AP2B1: variants seen among roughly 807,000 people sequenced by gnomAD.
AP2B1 encodes the protein AP-2 complex subunit beta.
AP2B1 carries 23 observed loss-of-function variants against 102.0 expected under a neutral mutation model. That is an observed-to-expected ratio of 0.23 (90% CI 0.16 to 0.32). The LOEUF (loss-of-function observed/expected upper bound fraction) is 0.32, where lower values mean the gene tolerates loss of function less well. AP2B1 is among the 10% of genes least tolerant of loss of function. AP2B1 has a pLI of 1.00. For synonymous variants in AP2B1, 381 were observed against 421.2 expected (o/e 0.90, Z 1.17); for missense variants, 541 against 1,157.4 (o/e 0.47, Z 7.73).
intron 5 of AP2B1, chr17:35,621,460 A>C: frequency 1.9e-5 from 10 of 523,244 alleles, no homozygotes; most frequent in Non-Finnish European, 2.5e-5. Context: ...ACTTCAAGAA[A>C]TTTTAGAGAA....
chr17:35,656,876 C>T (rs557946191), intron 13 of AP2B1, among the ~76,000 whole-genome samples: 1 of 103,026 alleles, frequency 9.7e-6, no homozygotes, highest in East Asian at 3.0e-4. Flanking sequence ...CAGAGCGAGA[C>T]TCCGTCTCAA....
chr17:35,651,334 C>CT (rs2075081067), intron 13 of AP2B1, among the ~76,000 whole-genome samples: 1 of 151,782 alleles, frequency 6.6e-6, no homozygotes, highest in Non-Finnish European at 1.5e-5. Flanking sequence ...GTTACCTGTA[C>CT]TTTTTTATAT....
intron 5 of AP2B1, among the ~76,000 whole-genome samples, chr17:35,622,474 A>G (rs1284564337): frequency 2.6e-5 from 4 of 152,232 alleles, no homozygotes; most frequent in South Asian, 2.1e-4. Context: ...ACTAAAATCA[A>G]TAGCTAGATT....
At chr17:35,650,855 A>G (rs920674528) in intron 13 of AP2B1, 66 bp downstream of exon 13, 15 of 1,542,860 alleles carry the variant, frequency 9.7e-6, no homozygotes, top group Non-Finnish European at 1.3e-5. Context: ...GCTCTTCTTT[A>G]TGCTTTTATA....
At chr17:35,657,359 A>G (rs1391311145) in intron 13 of AP2B1, among the ~76,000 whole-genome samples, 1 of 152,232 alleles carries the variant, frequency 6.6e-6, no homozygotes, top group East Asian at 1.9e-4. Context: ...CAATTATATT[A>G]TATAACTGAC....
chr17:35,640,239 T>TATTTATTTA (rs776783786), intron 11 of AP2B1, among the ~76,000 whole-genome samples: 1 of 38,890 alleles, frequency 2.6e-5, no homozygotes, highest in African/African-American at 1.2e-4. Flanking sequence ...TTTTTTTTTT[T>TATTTATTTA]TTTTTTTTTT....
intron 6 of AP2B1, among the ~76,000 whole-genome samples, chr17:35,626,404 G>A (rs2074317013): frequency 6.6e-6 from 1 of 152,028 alleles, no homozygotes; most frequent in African/African-American, 2.4e-5. Context: ...CTGGTTTCCT[G>A]AAGTCTTCTT....
At chr17:35,674,044 T>A in intron 16 of AP2B1, 132 bp from the exon 17 acceptor site, 1 of 843,850 alleles carries the variant, frequency 1.2e-6, no homozygotes, top group Non-Finnish European at 1.8e-6. Flanking sequence ...AGTATAAAAA[T>A]TACTATAATT....
At chr17:35,684,827 A>G (rs941556115) in intron 18 of AP2B1, among the ~76,000 whole-genome samples, 2 of 152,206 alleles carry the variant, frequency 1.3e-5, no homozygotes, top group African/African-American at 4.8e-5. Context: ...GCTTTACCTC[A>G]TAAGTAGGAA....
intron 17 of AP2B1, among the ~76,000 whole-genome samples, chr17:35,680,515 A>G (rs1163271071): frequency 6.6e-6 from 1 of 152,014 alleles, no homozygotes; most frequent in East Asian, 1.9e-4. Context: ...GACCACAGGA[A>G]CACACCACCA....
chr17:35,664,866 A>G (rs1390462214), intron 14 of AP2B1, among the ~76,000 whole-genome samples: 1 of 152,194 alleles, frequency 6.6e-6, no homozygotes, highest in Non-Finnish European at 1.5e-5. Context: ...TGTCTGACCT[A>G]AGAGACCTGT....
intron 18 of AP2B1, among the ~76,000 whole-genome samples, chr17:35,702,455 C>T (rs1157974366): frequency 1.3e-5 from 2 of 152,156 alleles, no homozygotes; most frequent in African/African-American, 4.8e-5. Flanking sequence ...CAGGCTCCTG[C>T]AGCTGGATTA....
intron 14 of AP2B1, among the ~76,000 whole-genome samples, chr17:35,669,757 G>A (rs6505486): frequency 0.87 from 132,493 of 152,238 alleles, 58,062 homozygotes; most frequent in African/African-American, 0.97. Context: ...TCTTAAAGAT[G>A]CAAAATAATT....
chr17:35,712,245 C>T (rs2076466364), intron 20 of AP2B1, among the ~76,000 whole-genome samples: 1 of 152,224 alleles, frequency 6.6e-6, no homozygotes, highest in East Asian at 1.9e-4. Context: ...TAGGAAGAGA[C>T]CAGGCCCCTG....
chr17:35,687,790 A>G (rs932121706), intron 18 of AP2B1, among the ~76,000 whole-genome samples: 1 of 152,030 alleles, frequency 6.6e-6, no homozygotes, highest in Non-Finnish European at 1.5e-5. Flanking sequence ...GGCTCAAGTG[A>G]TCCTCCTGCC....
chr17:35,708,779 A>G (rs1217261166), intron 18 of AP2B1, among the ~76,000 whole-genome samples: 5 of 152,214 alleles, frequency 3.3e-5, no homozygotes, highest in Admixed American at 2.0e-4. Context: ...TACTAGCTAC[A>G]TGACTCTGGA....
Position 35,694,427 on chromosome 17 carries a change from A to ATTTTTTTTTTTTTTTTT in AP2B1, c.2454+11609_2454+11610insTTTTTTTTTTTTTTTTT, listed in dbSNP as rs1555581002. 1.7e-5 allele frequency among the ~76,000 whole-genome samples: 2 copies of ATTTTTTTTTTTTTTTTT among 114,536 alleles called. 1 individual carries two copies. The allele number at this position is 114,536 out of a possible 152,430, so 75.1% of individuals were successfully genotyped here. A position where few individuals can be genotyped will look rare whatever the true frequency, so the allele number is the denominator to read the frequency against. On this transcript the variant is annotated intron_variant, in intron 18 of 21. Transcript: ENST00000610402. ...CCTAGCTGACTTTTTTTTTTTTTTA[A>ATTTTTTTTTTTTTTTTT]TTTTTTAATTTTTTGTAGAGTTGAG...
chr17:35,590,234 A>T (rs1309215541), intron 1 of AP2B1, among the ~76,000 whole-genome samples: 1 of 152,138 alleles, frequency 6.6e-6, no homozygotes, highest in Non-Finnish European at 1.5e-5. Context: ...TCTAATGAAG[A>T]CGTCAGTTTT....
intron 9 of AP2B1, among the ~76,000 whole-genome samples, chr17:35,631,420 AC>A: frequency 6.6e-6 from 1 of 152,182 alleles, no homozygotes; most frequent in Non-Finnish European, 1.5e-5. Flanking sequence ...CTTCTGTTTC[AC>A]TCTCTCAGAT....
Sources: gnomAD v4.1 joint callset for allele counts (sites outside exome capture counted in the v4.1 genomes callset) on GRCh38, gnomAD v4.1.1 for gene constraint, MANE v1.5 for transcripts, NCBI Gene and HGNC (gene_info 2026-07-23, HGNC 2026-07-21) for gene names.